Variants in GAS2 observed in about 807,000 individuals in gnomAD.
GAS2 encodes the protein growth arrest-specific protein 2.
A neutral mutation model predicts 37.5 loss-of-function variants in GAS2; 20 were observed. That is an observed-to-expected ratio of 0.53 (90% CI 0.37 to 0.77). The LOEUF (loss-of-function observed/expected upper bound fraction) is 0.77, where lower values mean the gene tolerates loss of function less well. Among genes scored for constraint, GAS2 ranks in the 30% least tolerant of loss-of-function variants. GAS2 has a pLI of 0.00. For synonymous variants in GAS2, 144 were observed against 132.2 expected (o/e 1.09, Z -0.61); for missense variants, 336 against 373.4 (o/e 0.90, Z 0.82).
chr11:22,684,436 T>G (rs1475848182), intron 2 of GAS2, among the ~76,000 whole-genome samples: 1 of 152,196 alleles, frequency 6.6e-6, no homozygotes, highest in Non-Finnish European at 1.5e-5. Flanking sequence ...TATGAAGATT[T>G]TTATTAAGGT....
intron 6 of GAS2, among the ~76,000 whole-genome samples, chr11:22,754,701 A>C (rs1417096329): frequency 6.6e-6 from 1 of 152,018 alleles, no homozygotes; most frequent in Non-Finnish European, 1.5e-5. Flanking sequence ...ATTCCTTTAC[A>C]TTAACATTCA....
Position 22,704,588 on chromosome 11 carries a change from C to CATATATATATATATATATATAT in GAS2, c.267+18814_267+18835dup, listed in dbSNP as rs3049395. ...TCAATTAGAAGCCAGTGAAAATAAA[C>CATATATATATATATATATATAT]ATATATATATATATATATATATATA... On this transcript the variant is annotated intron_variant, in intron 3 of 7. Coordinates refer to ENST00000454584, the MANE Select transcript of GAS2 (RefSeq NM_001143830.3). 8.8e-4 allele frequency among the ~76,000 whole-genome samples: 80 copies of CATATATATATATATATATATAT among 90,488 alleles called. 1 individual carries two copies. Among genetic ancestry groups the CATATATATATATATATATATAT allele is most frequent in the East Asian group, 2.6e-3 (7 of 2,726 alleles). 59.4% of individuals were successfully genotyped at this position (90,488 alleles called of 152,430 possible).
chr11:22,682,745 G>A (rs1475616729), intron 2 of GAS2, among the ~76,000 whole-genome samples: 1 of 151,482 alleles, frequency 6.6e-6, no homozygotes, highest in South Asian at 2.1e-4. Context: ...GGGCATGGTA[G>A]TGCATGCCTG....
At chr11:22,706,398 T>C (rs1219609372) in intron 3 of GAS2, among the ~76,000 whole-genome samples, 3 of 152,040 alleles carry the variant, frequency 2.0e-5, no homozygotes, top group Non-Finnish European at 2.9e-5. Context: ...GTTAGTTACA[T>C]ATGTATACAT....
chr11:22,758,116 A>C (rs989063776), intron 7 of GAS2, among the ~76,000 whole-genome samples: 1 of 152,188 alleles, frequency 6.6e-6, no homozygotes, highest in Admixed American at 6.5e-5. Flanking sequence ...ACTGGCAGTT[A>C]CTACTCAAAA....
intron 2 of GAS2, among the ~76,000 whole-genome samples, chr11:22,683,314 G>A (rs111618905): frequency 2.6e-5 from 4 of 152,078 alleles, no homozygotes; most frequent in African/African-American, 9.7e-5. Context: ...CACCCAGGCT[G>A]CAGTGCAGTG....
intron 1 of GAS2, among the ~76,000 whole-genome samples, chr11:22,649,740 A>G (rs1315348764): frequency 6.6e-6 from 1 of 151,948 alleles, no homozygotes. Flanking sequence ...GGTAGTTTGT[A>G]TTTCTGTGGG....
intron 7 of GAS2, among the ~76,000 whole-genome samples, chr11:22,809,433 T>G (rs1451083786): frequency 6.6e-6 from 1 of 152,080 alleles, no homozygotes; most frequent in Non-Finnish European, 1.5e-5. Flanking sequence ...TAAGACCAAT[T>G]TAAGTTTCAA....
chr11:22,787,114 T>C (rs1855853535), intron 7 of GAS2, among the ~76,000 whole-genome samples: 1 of 152,142 alleles, frequency 6.6e-6, no homozygotes, highest in Non-Finnish European at 1.5e-5. Flanking sequence ...TTTTGAGCAT[T>C]TGTCTATATT....
At chr11:22,726,632 A>G (rs1263135055) in intron 4 of GAS2, among the ~76,000 whole-genome samples, 199 bp downstream of exon 4, 2 of 152,108 alleles carry the variant, frequency 1.3e-5, no homozygotes, top group Admixed American at 6.6e-5. Flanking sequence ...CCCTCTTACT[A>G]TTGGTTACCT....
intron 7 of GAS2, among the ~76,000 whole-genome samples, chr11:22,790,786 T>C (rs1442262014): frequency 6.6e-6 from 1 of 151,908 alleles, no homozygotes; most frequent in East Asian, 1.9e-4. Flanking sequence ...CTTAGCATCC[T>C]TTATTAGAAT....
intron 3 of GAS2, among the ~76,000 whole-genome samples, chr11:22,691,339 T>TA (rs1400355235): frequency 5.3e-5 from 8 of 152,162 alleles, no homozygotes; most frequent in African/African-American, 1.9e-4. Flanking sequence ...ATCTGGGAAT[T>TA]AAATAAGACA....
intron 7 of GAS2, among the ~76,000 whole-genome samples, chr11:22,802,436 A>G (rs1241774087): frequency 4.7e-5 from 7 of 148,728 alleles, no homozygotes; most frequent in Non-Finnish European, 7.5e-5. Context: ...GTGCACATGT[A>G]CCCTAGAACT....
chr11:22,764,578 AAAG>A (rs1854582494), intron 7 of GAS2, among the ~76,000 whole-genome samples: 2 of 24,494 alleles, frequency 8.2e-5, no homozygotes, highest in Non-Finnish European at 7.2e-3. Context: ...AAAAAAAAAA[AAAG>A]AACAAAAAAG....
At chr11:22,738,646 C>G (rs1852882890) in intron 5 of GAS2, among the ~76,000 whole-genome samples, 1 of 152,128 alleles carries the variant, frequency 6.6e-6, no homozygotes, top group Non-Finnish European at 1.5e-5. Flanking sequence ...TGAACATTCT[C>G]AAAGAATTTA....
chr11:22,680,337 C>T (rs540896212), intron 2 of GAS2, among the ~76,000 whole-genome samples: 1 of 152,154 alleles, frequency 6.6e-6, no homozygotes, highest in African/African-American at 2.4e-5. Context: ...GATATAAATG[C>T]AGGGTAGACA....
At chr11:22,772,834 T>C (rs1482966849) in intron 7 of GAS2, among the ~76,000 whole-genome samples, 1 of 152,186 alleles carries the variant, frequency 6.6e-6, no homozygotes, top group Admixed American at 6.5e-5. Context: ...ATTGGCATTA[T>C]CCTACTTAAA....
intron 3 of GAS2, among the ~76,000 whole-genome samples, chr11:22,717,606 A>G (rs1042697372): frequency 2.0e-5 from 3 of 152,270 alleles, no homozygotes; most frequent in Middle Eastern, 3.4e-3. Flanking sequence ...AGCAAATGCA[A>G]CAAAACAAAG....
chr11:22,770,003 T>C (rs867473587), intron 7 of GAS2, among the ~76,000 whole-genome samples: 1 of 152,288 alleles, frequency 6.6e-6, no homozygotes, highest in Middle Eastern at 3.4e-3. Context: ...TGCAGGGACA[T>C]GGATGAAACT....
Sources: allele counts gnomAD v4.1 joint callset (sites outside exome capture counted in the v4.1 genomes callset), GRCh38; gene constraint gnomAD v4.1.1; transcripts MANE v1.5; gene names NCBI Gene and HGNC (gene_info 2026-07-23, HGNC 2026-07-21).